The following SYNDIG1 variants were observed in gnomAD, a reference collection of about 807,000 sequenced individuals.
The protein encoded by SYNDIG1 is synapse differentiation inducing 1.
Under a neutral mutation model 19.4 loss-of-function variants are expected in SYNDIG1, and 9 were observed. The observed-to-expected ratio is 0.46, with a 90% CI of 0.28 to 0.81. SYNDIG1 has a LOEUF of 0.81. Among genes scored for constraint, SYNDIG1 ranks in the 30% least tolerant of loss-of-function variants. The probability of loss-of-function intolerance (pLI) is 0.12; values close to 1 mark genes in which losing one functional copy is unlikely to be tolerated. For missense variants in SYNDIG1, 311 were observed against 343.3 expected (o/e 0.91, Z 0.74); for synonymous variants, 141 against 145.9 (o/e 0.97, Z 0.24).
intron 1 of SYNDIG1, among the ~76,000 whole-genome samples, chr20:24,491,321 C>T (rs2056141360): frequency 6.6e-6 from 1 of 152,188 alleles, no homozygotes; most frequent in Admixed American, 6.5e-5. Flanking sequence ...GGGAGAGCAG[C>T]CAGGAGAGGA....
intron 3 of SYNDIG1, among the ~76,000 whole-genome samples, chr20:24,657,738 C>G (rs971440689): frequency 6.6e-6 from 1 of 152,170 alleles, no homozygotes; most frequent in Non-Finnish European, 1.5e-5. Flanking sequence ...CTCTTACTAT[C>G]ATTAAGAATA....
At chr20:24,632,380 C>T (rs1233945973) in intron 3 of SYNDIG1, among the ~76,000 whole-genome samples, 5 of 152,148 alleles carry the variant, frequency 3.3e-5, no homozygotes, top group Non-Finnish European at 7.3e-5. Context: ...GCTGGGATTA[C>T]AGGCACATGC....
chr20:24,612,133 T>C (rs1200971621), intron 3 of SYNDIG1, among the ~76,000 whole-genome samples: 1 of 152,260 alleles, frequency 6.6e-6, no homozygotes. Context: ...CACCATTGTG[T>C]GCTGTTCATG....
intron 3 of SYNDIG1, among the ~76,000 whole-genome samples, chr20:24,631,245 C>G (rs1198548869): frequency 3.3e-5 from 5 of 152,186 alleles, no homozygotes; most frequent in Non-Finnish European, 7.4e-5. Flanking sequence ...TGGGCCCAGA[C>G]AAGGTTGGAA....
At chr20:24,499,998 G>A (rs1239600417) in intron 1 of SYNDIG1, among the ~76,000 whole-genome samples, 2 of 152,086 alleles carry the variant, frequency 1.3e-5, no homozygotes, top group African/African-American at 4.8e-5. Context: ...CATCTCCCCG[G>A]ATTTAGTGAG....
intron 2 of SYNDIG1, among the ~76,000 whole-genome samples, chr20:24,582,055 C>T (rs908391943): frequency 2.2e-5 from 3 of 134,726 alleles, no homozygotes; most frequent in Non-Finnish European, 4.8e-5. Context: ...GCTGCATGGC[C>T]TCCCTCCTTC....
chr20:24,582,102 C>A (rs1160301123), intron 2 of SYNDIG1, among the ~76,000 whole-genome samples: 6 of 132,088 alleles, frequency 4.5e-5, no homozygotes, highest in African/African-American at 1.4e-4. Flanking sequence ...CACAGCATGT[C>A]CTCCCCCATG....
chr20:24,498,327 A>C (rs1306710438), intron 1 of SYNDIG1, among the ~76,000 whole-genome samples: 1 of 152,340 alleles, frequency 6.6e-6, no homozygotes, highest in African/African-American at 2.4e-5. Flanking sequence ...ACTTAACATA[A>C]GGTCTACCCT....
intron 2 of SYNDIG1, among the ~76,000 whole-genome samples, chr20:24,560,489 T>C (rs895293454): frequency 4.5e-4 from 68 of 152,296 alleles, no homozygotes; most frequent in African/African-American, 1.6e-3. Flanking sequence ...CATTTCATAT[T>C]GTATGTTCAT....
At position 24,622,081 on chromosome 20, in the gene SYNDIG1, G is replaced by A. The variant is rs117888310; in HGVS notation, c.618+37088G>A. 2.7e-3 allele frequency among the ~76,000 whole-genome samples: 406 copies of A among 152,284 alleles called. 2 individuals carry two copies. The highest frequency in any genetic ancestry group is 0.024 in the Middle Eastern group (7 of 294). ...AACCAAACTCAAATATGACTCAGAT[G>A]TTGGAATTATCAGACATGTAATTTA... On this transcript the variant is annotated intron_variant, in intron 3 of 3. Coordinates refer to ENST00000376862, the MANE Select transcript of SYNDIG1 (RefSeq NM_024893.3).
rs1223946071 is a variant in SYNDIG1 at position 24,504,238 on chromosome 20, G to C, written c.-79+34485G>C. Among the ~76,000 whole-genome samples, 4 of 152,334 alleles carry C rather than the reference G, an allele frequency of 2.6e-5. No homozygotes were observed. In the South Asian group the frequency reaches 8.3e-4, roughly 32 times the overall value. On this transcript the variant is annotated intron_variant, in intron 1 of 3. Transcript: ENST00000376862. The stretch of plus-strand genomic sequence containing the variant: ...CTCCCAAAGTGCTGGGATTACAGGT[G>C]TGAGCCACCGCGCCCAGCCAGGAGA...
chr20:24,480,464 C>T (rs2146237983), intron 1 of SYNDIG1, among the ~76,000 whole-genome samples: 1 of 152,222 alleles, frequency 6.6e-6, no homozygotes, highest in South Asian at 2.1e-4. Flanking sequence ...AAAAAAATCA[C>T]AGAAAATAAC....
intron 2 of SYNDIG1, among the ~76,000 whole-genome samples, chr20:24,560,434 C>A (rs1568642377): frequency 6.6e-6 from 1 of 151,594 alleles, no homozygotes; most frequent in Non-Finnish European, 1.5e-5. Flanking sequence ...TGTGTAGTTC[C>A]CTCTGTCATA....
At chr20:24,500,498 CT>C (rs765694436) in intron 1 of SYNDIG1, among the ~76,000 whole-genome samples, 10,789 of 141,508 alleles carry the variant, frequency 0.076, 538 homozygotes, top group Non-Finnish European at 0.11. Flanking sequence ...TTCTTTCTTT[CT>C]TTCTTTCTTT....
intron 1 of SYNDIG1, among the ~76,000 whole-genome samples, chr20:24,520,152 A>G (rs1457815645): frequency 6.6e-6 from 1 of 152,074 alleles, no homozygotes; most frequent in African/African-American, 2.4e-5. Context: ...TTTTATGTAT[A>G]TAGGTAAATC....
chr20:24,491,208 C>T (rs924420501), intron 1 of SYNDIG1, among the ~76,000 whole-genome samples: 3 of 152,222 alleles, frequency 2.0e-5, no homozygotes, highest in Non-Finnish European at 2.9e-5. Flanking sequence ...AGGTCAGCCG[C>T]GATCCATTTT....
chr20:24,565,335 A>G (rs915733590), intron 2 of SYNDIG1, among the ~76,000 whole-genome samples: 5 of 152,208 alleles, frequency 3.3e-5, no homozygotes, highest in Non-Finnish European at 7.3e-5. Flanking sequence ...TACATAAGAC[A>G]TGGCACACAG....
intron 3 of SYNDIG1, among the ~76,000 whole-genome samples, chr20:24,598,220 G>A (rs6049804): frequency 0.14 from 20,988 of 152,118 alleles, 1,633 homozygotes; most frequent in African/African-American, 0.2. Context: ...ATGCACTCAC[G>A]AAACAAGAAT....
chr20:24,571,915 C>A (rs898899204), intron 2 of SYNDIG1, among the ~76,000 whole-genome samples: 1 of 152,196 alleles, frequency 6.6e-6, no homozygotes, highest in Admixed American at 6.5e-5. Flanking sequence ...GACCTTCAGG[C>A]CTTTCAACCC....
Sources: gnomAD v4.1 joint callset for allele counts (sites outside exome capture counted in the v4.1 genomes callset) on GRCh38, gnomAD v4.1.1 for gene constraint, MANE v1.5 for transcripts, NCBI Gene and HGNC (gene_info 2026-07-23, HGNC 2026-07-21) for gene names.